JAK2: variants seen among roughly 807,000 people sequenced by gnomAD.
JAK2 encodes tyrosine-protein kinase JAK2.
Under a neutral mutation model 139.3 loss-of-function variants are expected in JAK2, and 86 were observed. The ratio of observed to expected loss-of-function variants is 0.62; its 90% CI spans 0.52 to 0.74. JAK2 has a LOEUF of 0.74. JAK2 is among the 30% of genes least tolerant of loss of function. JAK2 has a pLI of 0.00. For synonymous variants in JAK2, 490 were observed against 437.7 expected (o/e 1.12, Z -1.49); for missense variants, 1,421 against 1,360.3 (o/e 1.04, Z -0.70).
chr9:5,047,666 A>G (rs1013270375), intron 5 of JAK2, among the ~76,000 whole-genome samples: 2 of 152,128 alleles, frequency 1.3e-5, no homozygotes, highest in African/African-American at 4.8e-5. Context: ...TTATTTTTTT[A>G]TAGAGATTGA....
chr9:5,028,759 C>G (rs946372529), intron 3 of JAK2, among the ~76,000 whole-genome samples: 6 of 152,180 alleles, frequency 3.9e-5, no homozygotes, highest in South Asian at 2.1e-4. Flanking sequence ...ATGAACCAGC[C>G]TCTACTAGCT....
intron 2 of JAK2, among the ~76,000 whole-genome samples, chr9:4,999,839 T>C (rs1820825407): frequency 1.3e-5 from 2 of 152,202 alleles, no homozygotes; most frequent in African/African-American, 4.8e-5. Context: ...TTTCCCAATA[T>C]TTAGACTTGT....
intron 2 of JAK2, among the ~76,000 whole-genome samples, chr9:4,988,738 C>T (rs1366589904): frequency 6.6e-6 from 1 of 152,176 alleles, no homozygotes; most frequent in East Asian, 1.9e-4. Context: ...CCTGGTTTTT[C>T]CTGTACTGGT....
Position 5,044,422 on chromosome 9 carries a change from T to C in JAK2, c.370T>C (p.Tyr124His). Reference sequence around the variant, plus strand: ...TTGTAGATTTTACTTTCCTCGTTGGTATTGCAGTGGCAGCAACAGAGCCTA... The same window carrying C: ...TTGTAGATTTTACTTTCCTCGTTGGCATTGCAGTGGCAGCAACAGAGCCTA... Reference protein sequence around the residue: ...YRIRFYFPRWYCSGSNRAYRH... With the variant: ...YRIRFYFPRWHCSGSNRAYRH... Residue 124 changes from tyrosine (Y) to histidine (H), a missense_variant, in exon 5 of 25, where the codon TAT (tyrosine) becomes CAT (histidine). Transcript: ENST00000381652. 1.2e-6 allele frequency: 2 copies of C among 1,611,156 alleles called. No homozygotes were observed. The highest frequency in any genetic ancestry group is 1.7e-6 in the Non-Finnish European group (2 of 1,178,012).
At chr9:5,108,459 A>G (rs1036874370) in intron 22 of JAK2, 1 of 152,102 alleles carries the variant, frequency 6.6e-6, no homozygotes, top group African/African-American at 2.4e-5. Flanking sequence ...GCTAGTAATG[A>G]TATTTACTGA....
rs1821532954 is a variant in JAK2, at chr9:5,101,991, T to A, written c.3059+11080T>A. 1.3e-5 allele frequency among the ~76,000 whole-genome samples: 2 copies of A among 152,160 alleles called. 1 individual carries two copies. The highest frequency in any genetic ancestry group is 4.8e-5 in the African/African-American group (2 of 41,440). ...AAAATTCTAAAAACCAGAGGGCCTC[T>A]TCTCCTCCAAAGGATTGCAGCTCCT... On this transcript the variant is annotated intron_variant, in intron 22 of 24. Coordinates refer to ENST00000381652, the MANE Select transcript of JAK2 (RefSeq NM_004972.4).
chr9:5,046,985 A>G (rs1817052661), intron 5 of JAK2, among the ~76,000 whole-genome samples: 1 of 152,168 alleles, frequency 6.6e-6, no homozygotes, highest in African/African-American at 2.4e-5. Context: ...TGATCTAGAA[A>G]AATTTTGGGT....
chr9:5,013,592 C>T (rs1488228706), intron 2 of JAK2, among the ~76,000 whole-genome samples: 4 of 152,166 alleles, frequency 2.6e-5, no homozygotes, highest in Non-Finnish European at 5.9e-5. Context: ...TGTGTACATT[C>T]CTCTTTCCAT....
intron 8 of JAK2, among the ~76,000 whole-genome samples, chr9:5,056,712 A>T (rs993973625): frequency 6.6e-6 from 1 of 152,170 alleles, no homozygotes; most frequent in African/African-American, 2.4e-5. Flanking sequence ...GCATAAAAGG[A>T]TGATTAACAA....
At chr9:5,041,465 A>T in intron 4 of JAK2, 1 of 607,528 alleles carries the variant, frequency 1.6e-6, no homozygotes, top group Non-Finnish European at 3.2e-6. Context: ...GCAGGGGCTC[A>T]AGGCTGACAC....
intron 4 of JAK2, among the ~76,000 whole-genome samples, chr9:5,035,464 C>T (rs1380740625): frequency 6.6e-6 from 1 of 152,178 alleles, no homozygotes; most frequent in Non-Finnish European, 1.5e-5. Flanking sequence ...CCTTGATGAA[C>T]ATTGATGCAA....
At chr9:5,031,737 A>G (rs1470397438) in intron 4 of JAK2, among the ~76,000 whole-genome samples, 4 of 152,232 alleles carry the variant, frequency 2.6e-5, no homozygotes, top group African/African-American at 4.8e-5. Flanking sequence ...AAATTTTCAA[A>G]TGTCTGAAGG....
chr9:5,107,950 A>G (rs1038555381), intron 22 of JAK2: 2 of 152,158 alleles, frequency 1.3e-5, no homozygotes, highest in Non-Finnish European at 2.9e-5. Context: ...TCCGACAATT[A>G]TGCTGTTACC....
chr9:5,056,220 G>A (rs893290109), intron 8 of JAK2, among the ~76,000 whole-genome samples: 1 of 152,044 alleles, frequency 6.6e-6, no homozygotes, highest in South Asian at 2.1e-4. Context: ...TCAATCCCAG[G>A]TCAGCCCCAC....
intron 14 of JAK2, among the ~76,000 whole-genome samples, chr9:5,074,540 C>T (rs1049714895): frequency 6.6e-6 from 1 of 152,170 alleles, no homozygotes; most frequent in African/African-American, 2.4e-5. Flanking sequence ...GTGTCCCAAA[C>T]AGAGAGAATA....
At chr9:5,074,247 A>G (rs1283047805) in intron 14 of JAK2, among the ~76,000 whole-genome samples, 1 of 152,178 alleles carries the variant, frequency 6.6e-6, no homozygotes, top group Non-Finnish European at 1.5e-5. Context: ...AGAAACTACT[A>G]AAAGTATAAA....
At chr9:5,001,322 G>C (rs539164621) in intron 2 of JAK2, among the ~76,000 whole-genome samples, 1 of 152,212 alleles carries the variant, frequency 6.6e-6, no homozygotes, top group East Asian at 1.9e-4. Context: ...ATAGAAGGTT[G>C]TTTGTAGATG....
chr9:5,113,258 A>G (rs1226427693), intron 22 of JAK2, among the ~76,000 whole-genome samples: 1 of 130,926 alleles, frequency 7.6e-6, no homozygotes, highest in African/African-American at 3.0e-5. Context: ...CAAAACATAC[A>G]CTTTGTCAGA....
chr9:5,030,143 C>T (rs995548660), intron 4 of JAK2, among the ~76,000 whole-genome samples: 3 of 152,072 alleles, frequency 2.0e-5, no homozygotes, highest in African/African-American at 7.2e-5. Flanking sequence ...CACTTAACTC[C>T]TTATGATTAT....
Sources: gnomAD v4.1 joint callset for allele counts (sites outside exome capture counted in the v4.1 genomes callset) on GRCh38, gnomAD v4.1.1 for gene constraint, MANE v1.5 for transcripts, NCBI Gene and HGNC (gene_info 2026-07-23, HGNC 2026-07-21) for gene names.